DERA: variants seen among roughly 807,000 people sequenced by gnomAD.
DERA encodes the protein 2-deoxy-D-ribose 5-phosphate aldolase.
In DERA, 15 loss-of-function variants were observed where a neutral mutation model predicts 41.1. The observed-to-expected ratio is 0.37, with a 90% CI of 0.24 to 0.56. The LOEUF (loss-of-function observed/expected upper bound fraction) is 0.56. DERA is among the 20% of genes least tolerant of loss of function. The probability of loss-of-function intolerance (pLI) is 0.81; values close to 1 mark genes in which losing one functional copy is unlikely to be tolerated. For missense variants in DERA, 396 were observed against 403.4 expected (o/e 0.98, Z 0.16); for synonymous variants, 139 against 137.4 (o/e 1.01, Z -0.08).
rs944506233 is a variant in DERA, at chr12:16,026,063, T to C, written c.638-6479T>C. ...TCCAAAAGCAGTGCTTAGAAAGAAA[T>C]GTATGGCATTAGATGCATATATTAG... On this transcript the variant is annotated intron_variant, in intron 6 of 8. Transcript: ENST00000428559. The surrounding 1 kb of genome is among the most constrained non-coding windows in gnomAD (Gnocchi z 4.4). Among the ~76,000 whole-genome samples the C allele has an allele frequency of 2.6e-5, 4 of 152,002 alleles. No individual in the cohort carries two copies. The highest frequency in any genetic ancestry group is 4.8e-5 in the African/African-American group (2 of 41,396).
intron 7 of DERA, chr12:16,033,084 A>G (rs1949103826): frequency 5.9e-6 from 1 of 169,644 alleles, no homozygotes; most frequent in African/African-American, 2.4e-5. Flanking sequence ...TTGAATGATA[A>G]GCTGTGGTGG....
intron 1 of DERA, among the ~76,000 whole-genome samples, chr12:15,932,022 A>G (rs1948331699): frequency 6.6e-6 from 1 of 152,192 alleles, no homozygotes; most frequent in Admixed American, 6.5e-5. Context: ...AGCCTACAGA[A>G]CTGTAAGCCA....
chr12:15,916,082 T>C lies in DERA; in HGVS notation c.31+4668T>C, dbSNP rs145915258. Reference sequence around the variant, plus strand: ...TCTGTTTAAAACATAAAGGTTACTGTTTTATTGCCATAACCCACATCTTAA... The same window carrying C: ...TCTGTTTAAAACATAAAGGTTACTGCTTTATTGCCATAACCCACATCTTAA... On this transcript the variant is annotated intron_variant, in intron 1 of 8. Coordinates refer to ENST00000428559, the MANE Select transcript of DERA (RefSeq NM_015954.4). The C allele has an allele frequency of 1.6e-4, 25 of 152,326 alleles. 1 individual carries two copies. Among genetic ancestry groups the C allele is most frequent in the African/African-American group, 6.0e-4 (25 of 41,568 alleles). The allele number at this position is 152,326 out of a possible 1,614,324, so 9.4% of individuals were successfully genotyped here. A position where few individuals can be genotyped will look rare whatever the true frequency, so the allele number is the denominator to read the frequency against.
chr12:15,977,306 CAT>C (rs1491477589), intron 5 of DERA, among the ~76,000 whole-genome samples: 1 of 152,112 alleles, frequency 6.6e-6, no homozygotes, highest in East Asian at 1.9e-4. Flanking sequence ...CACGTGCATG[CAT>C]GTGTGTGTGT....
chr12:15,920,222 C>T (rs1948232681), intron 1 of DERA, among the ~76,000 whole-genome samples: 1 of 152,154 alleles, frequency 6.6e-6, no homozygotes, highest in African/African-American at 2.4e-5. Context: ...ACTTATAAGG[C>T]TACCTCTTTT....
In DERA at chr12:15,990,816, G is replaced by T. The variant is rs1390949980; in HGVS notation, c.637+8380G>T. ...TTTTATGGCTGGATAGTAGTCCATG[G>T]TGCATATATATACACCACATTTTAT... On this transcript the variant is annotated intron_variant, in intron 6 of 8. Transcript: ENST00000428559. This position sits in a 1 kb window ranked among gnomAD's most constrained non-coding sequence, Gnocchi z 4.3. Among the ~76,000 whole-genome samples the T allele has an allele frequency of 6.6e-6, 1 of 152,062 alleles. No individual in the cohort carries two copies. The highest frequency in any genetic ancestry group is 1.9e-4 in the East Asian group (1 of 5,196).
chr12:15,977,247 G>A (rs1948703487), intron 5 of DERA, among the ~76,000 whole-genome samples: 1 of 152,154 alleles, frequency 6.6e-6, no homozygotes, highest in Admixed American at 6.5e-5. Context: ...GTTGCTCGAA[G>A]CACTGCAATG....
rs1424812430 is a variant in DERA, at chr12:15,988,875, T to A, written c.637+6439T>A. ...CCCCTTGGCCTTTCTCCTATGCTTG[T>A]TGTCGCCCAAAGTCCAGAGGGGGCC... is the stretch of plus-strand genomic sequence containing the variant. On this transcript the variant is annotated intron_variant, in intron 6 of 8. Transcript: ENST00000428559. This position sits in a 1 kb window ranked among gnomAD's most constrained non-coding sequence, Gnocchi z 6.0. 6.6e-6 allele frequency among the ~76,000 whole-genome samples: 1 copy of A among 152,198 alleles called. No individual in the cohort carries two copies. The highest frequency in any genetic ancestry group is 6.5e-5 in the Admixed American group (1 of 15,286).
intron 1 of DERA, among the ~76,000 whole-genome samples, chr12:15,914,585 G>C (rs1948186965): frequency 6.6e-6 from 1 of 152,006 alleles, no homozygotes; most frequent in African/African-American, 2.4e-5. Context: ...CGTCTTCAGA[G>C]CTATCTCAAG....
At position 15,985,536 on chromosome 12, in the gene DERA, C is replaced by A. The variant is rs1948758457; in HGVS notation, c.637+3100C>A. ...CTAGGGCTTTGCCAATTTTATTAAT[C>A]TTTTCAGAGAGCCAAGTTTTTATTT... On this transcript the variant is annotated intron_variant, in intron 6 of 8. Coordinates refer to ENST00000428559, the MANE Select transcript of DERA (RefSeq NM_015954.4). The surrounding 1 kb of genome is among the most constrained non-coding windows in gnomAD (Gnocchi z 4.2). Among the ~76,000 whole-genome samples the A allele has an allele frequency of 6.6e-6, 1 of 150,734 alleles. No homozygotes were observed.
intron 6 of DERA, among the ~76,000 whole-genome samples, chr12:16,002,153 G>A (rs1222269311): frequency 1.0e-5 from 1 of 97,220 alleles, no homozygotes; most frequent in South Asian, 3.5e-4. Context: ...CCCCACAACA[G>A]CCCTGGTGTG....
Position 16,000,007 on chromosome 12 carries a change from G to A in DERA, c.637+17571G>A, listed in dbSNP as rs1467219492. Among the ~76,000 whole-genome samples the A allele has an allele frequency of 6.6e-6, 1 of 152,170 alleles. No homozygotes were observed. Among genetic ancestry groups the A allele is most frequent in the Non-Finnish European group, 1.5e-5 (1 of 68,034 alleles). ...CCATCACGAGCTCCTGAACTGAGAT[G>A]CAATGCAGGCAATGCAGTGGGTATG... On this transcript the variant is annotated intron_variant, in intron 6 of 8. Coordinates refer to ENST00000428559, the MANE Select transcript of DERA (RefSeq NM_015954.4). The surrounding 1 kb of genome is among the most constrained non-coding windows in gnomAD (Gnocchi z 4.8).
rs1047154100 is a variant in DERA, at chr12:16,001,270, T to C, written c.637+18834T>C. Among the ~76,000 whole-genome samples the C allele has an allele frequency of 6.6e-5, 10 of 152,282 alleles. No individual in the cohort carries two copies. In the East Asian group the frequency reaches 1.9e-3, roughly 29 times the overall value. The stretch of plus-strand genomic sequence containing the variant: ...TTTATCCTATTTTTTTGTTTGTTTG[T>C]TTGTTTTTAGAAGAAATAAAAAAAA... On this transcript the variant is annotated intron_variant, in intron 6 of 8. Coordinates refer to ENST00000428559, the MANE Select transcript of DERA (RefSeq NM_015954.4). This position sits in a 1 kb window ranked among gnomAD's most constrained non-coding sequence, Gnocchi z 4.1.
chr12:16,023,571 G>A (rs1222276344), intron 6 of DERA, among the ~76,000 whole-genome samples: 2 of 140,524 alleles, frequency 1.4e-5, no homozygotes, highest in African/African-American at 2.7e-5. Flanking sequence ...TCCGCCTCCC[G>A]GGTTCACGCC....
intron 1 of DERA, among the ~76,000 whole-genome samples, chr12:15,934,363 A>G (rs1295468402): frequency 6.6e-6 from 1 of 152,030 alleles, no homozygotes; most frequent in Non-Finnish European, 1.5e-5. Flanking sequence ...GAGGCGGGTG[A>G]ATCACAAGGT....
At chr12:15,945,256 A>G (rs1359854836) in intron 1 of DERA, among the ~76,000 whole-genome samples, 1 of 152,164 alleles carries the variant, frequency 6.6e-6, no homozygotes, top group African/African-American at 2.4e-5. Context: ...GTTTTTTCCA[A>G]TTCTGTGAAG....
At chr12:15,986,608 A>C (rs919613003) in intron 6 of DERA, among the ~76,000 whole-genome samples, 1 of 152,196 alleles carries the variant, frequency 6.6e-6, no homozygotes, top group Non-Finnish European at 1.5e-5. Flanking sequence ...AGTTTAATTT[A>C]CATCCTCATT....
intron 1 of DERA, among the ~76,000 whole-genome samples, chr12:15,925,207 T>G (rs2136126849): frequency 6.6e-6 from 1 of 151,724 alleles, no homozygotes; most frequent in South Asian, 2.1e-4. Context: ...ATGTTGGTCC[T>G]GTTTAGAATG....
intron 5 of DERA, among the ~76,000 whole-genome samples, chr12:15,975,139 C>G (rs1948688470): frequency 6.6e-6 from 1 of 152,202 alleles, no homozygotes; most frequent in African/African-American, 2.4e-5. Flanking sequence ...ACAGAGCCAG[C>G]TGTGTGGCAG....
Sources: gnomAD v4.1 joint callset for allele counts (sites outside exome capture counted in the v4.1 genomes callset) on GRCh38, gnomAD v4.1.1 for gene constraint, Gnocchi (gnomAD v3.1) non-coding constraint, MANE v1.5 for transcripts, NCBI Gene and HGNC (gene_info 2026-07-23, HGNC 2026-07-21) for gene names.